The following ZDHHC11B variants were observed in gnomAD, a reference collection of about 807,000 sequenced individuals.
ZDHHC11B encodes the protein probable palmitoyltransferase ZDHHC11B.
A neutral mutation model predicts 42.3 loss-of-function variants in ZDHHC11B; 17 were observed. That is an observed-to-expected ratio of 0.40 (90% CI 0.27 to 0.60). The LOEUF (loss-of-function observed/expected upper bound fraction) is 0.60, where lower values mean the gene tolerates loss of function less well. Among genes scored for constraint, ZDHHC11B ranks in the 20% least tolerant of loss-of-function variants. The probability of loss-of-function intolerance (pLI) is 0.41; values close to 1 mark genes in which losing one functional copy is unlikely to be tolerated. For missense variants in ZDHHC11B, 262 were observed against 463.2 expected (o/e 0.57, Z 3.99); for synonymous variants, 123 against 193.5 (o/e 0.64, Z 3.02).
rs1380173083 is a variant in ZDHHC11B at position 763,861 on chromosome 5, G to A, written c.222+2837C>T. On this transcript the variant is annotated intron_variant, in intron 4 of 13. Coordinates refer to ENST00000508859, the MANE Select transcript of ZDHHC11B (RefSeq NM_001351303.2). ...TTACAGGTGAAATTTCCCGATGTCC[G>A]AGATTTTTAAAGGTTACTCGGATAC... Among the ~76,000 whole-genome samples the A allele has an allele frequency of 4.6e-5, 7 of 151,988 alleles. No homozygotes were observed. The East Asian group carries it at 9.6e-4, about 21-fold the overall frequency.
chr5:783,491 G>A (rs1579478326), intron 1 of ZDHHC11B, among the ~76,000 whole-genome samples: 1 of 152,164 alleles, frequency 6.6e-6, no homozygotes, highest in African/African-American at 2.4e-5. Flanking sequence ...GGGGAGGGGT[G>A]GCCGGGGTGG....
intron 1 of ZDHHC11B, among the ~76,000 whole-genome samples, chr5:778,264 G>T (rs1736706860): frequency 6.6e-6 from 1 of 151,758 alleles, no homozygotes; most frequent in African/African-American, 2.4e-5. Context: ...TAGAGATCCC[G>T]GCTGGCTCAT....
At chr5:739,045 T>A (rs1818115) in intron 10 of ZDHHC11B, among the ~76,000 whole-genome samples, 100,082 of 149,136 alleles carry the variant, frequency 0.67, 29,432 homozygotes, top group Middle Eastern at 0.77. Context: ...CAATCTGTAC[T>A]TCTGACAAAG....
At chr5:754,304 G>C (rs113087117) in intron 6 of ZDHHC11B, among the ~76,000 whole-genome samples, 12,494 of 92,298 alleles carry the variant, frequency 0.14, 4,370 homozygotes, top group Non-Finnish European at 0.21. Flanking sequence ...AACACCTCTC[G>C]CCTATGAGCC....
chr5:733,126 C>T (rs1408796233), intron 11 of ZDHHC11B, among the ~76,000 whole-genome samples: 1 of 151,030 alleles, frequency 6.6e-6, no homozygotes, highest in African/African-American at 2.4e-5. Context: ...AAATATGTGG[C>T]CCTAAAGCCG....
At chr5:753,404 C>T (rs1210172709) in intron 6 of ZDHHC11B, among the ~76,000 whole-genome samples, 4 of 131,058 alleles carry the variant, frequency 3.1e-5, no homozygotes, top group African/African-American at 1.0e-4. Context: ...TCTCCTGATG[C>T]CCCTTTCCCA....
intron 4 of ZDHHC11B, among the ~76,000 whole-genome samples, chr5:760,270 G>A (rs1239764586): frequency 6.6e-6 from 1 of 151,814 alleles, no homozygotes; most frequent in Non-Finnish European, 1.5e-5. Context: ...ATGTGACCTC[G>A]CTTGGAAATA....
chr5:730,279 T>C (rs1442482556), intron 12 of ZDHHC11B, among the ~76,000 whole-genome samples, 155 bp downstream of exon 12: 1 of 151,872 alleles, frequency 6.6e-6, no homozygotes, highest in South Asian at 2.1e-4. Context: ...ATAAGCCACA[T>C]GAATGGCTAT....
At position 712,669 on chromosome 5, in the gene ZDHHC11B, G is replaced by C. The variant is rs1196167911; in HGVS notation, c.*8-387C>G. 3.3e-5 allele frequency among the ~76,000 whole-genome samples: 5 copies of C among 150,620 alleles called. No homozygotes were observed. In the South Asian group the frequency reaches 6.3e-4, roughly 19 times the overall value. ...TCACACCTGTAATCCCAGCACTTTG[G>C]GAGTCCGAGGCGGGTGGATCATGAG... On this transcript the variant is annotated intron_variant, in intron 13 of 13. Transcript: ENST00000508859.
chr5:716,788 C>T lies in ZDHHC11B; in HGVS notation c.*7+13G>A. The T allele has an allele frequency of 1.2e-6, 2 of 1,612,894 alleles. No homozygotes were observed. The highest frequency in any genetic ancestry group is 1.7e-6 in the Non-Finnish European group (2 of 1,179,514). ...GTAGATTTCAACATGACCTGCACTG[C>T]CACGTATCTTACCCGAATCTCAGTC... On this transcript the variant is annotated intron_variant, in intron 13 of 13. Transcript: ENST00000508859.
At chr5:728,342 T>C in intron 12 of ZDHHC11B, among the ~76,000 whole-genome samples, 1 of 151,970 alleles carries the variant, frequency 6.6e-6, no homozygotes, top group Non-Finnish European at 1.5e-5. Context: ...GGATTTAAAA[T>C]GCAAATGCCC....
chr5:712,855 G>A (rs1439177310), intron 13 of ZDHHC11B, among the ~76,000 whole-genome samples: 26 of 151,554 alleles, frequency 1.7e-4, no homozygotes, highest in Non-Finnish European at 3.7e-4. Context: ...TTTGCAGTGA[G>A]CCAAGATTGG....
rs1460339802 is a variant in ZDHHC11B at position 745,522 on chromosome 5, G to A, written c.785-224C>T. Among the ~76,000 whole-genome samples the A allele has an allele frequency of 4.0e-5, 6 of 149,914 alleles. No homozygotes were observed. The East Asian group carries it at 8.2e-4, about 21-fold the overall frequency. ...GTCAGCAGGAGGGGTCTGCAGCTGC[G>A]ACCTGGGGAACGGTGCTGACTCAGG... On this transcript the variant is annotated intron_variant, in intron 8 of 13. Coordinates refer to ENST00000508859, the MANE Select transcript of ZDHHC11B (RefSeq NM_001351303.2).
chr5:772,564 T>C (rs1351899205), intron 1 of ZDHHC11B, among the ~76,000 whole-genome samples: 3 of 151,030 alleles, frequency 2.0e-5, no homozygotes, highest in African/African-American at 4.8e-5. Context: ...TGACTGGGCT[T>C]CCCAGGAAGA....
intron 13 of ZDHHC11B, among the ~76,000 whole-genome samples, chr5:714,545 A>G (rs1741609466): frequency 8.5e-6 from 1 of 117,768 alleles, no homozygotes; most frequent in Non-Finnish European, 1.8e-5. Context: ...TAGGAAGACC[A>G]GATGCTTTTG....
intron 4 of ZDHHC11B, among the ~76,000 whole-genome samples, chr5:763,584 T>C (rs1233872230): frequency 6.6e-6 from 1 of 151,628 alleles, no homozygotes. Context: ...CTCTGACCAG[T>C]CAAAGGCCTG....
At chr5:724,553 T>C (rs1423453984) in intron 12 of ZDHHC11B, among the ~76,000 whole-genome samples, 4 of 140,646 alleles carry the variant, frequency 2.8e-5, no homozygotes, top group Admixed American at 1.5e-4. Context: ...TCCTTTTGTA[T>C]TTTTAGTAGA....
At chr5:752,998 C>T (rs1435073076) in intron 6 of ZDHHC11B, among the ~76,000 whole-genome samples, 6 of 45,894 alleles carry the variant, frequency 1.3e-4, no homozygotes, top group Admixed American at 1.0e-3. Context: ...CTCCTCTCCC[C>T]GCAGCCACCC....
chr5:769,582 G>A (rs1340906690), intron 1 of ZDHHC11B, among the ~76,000 whole-genome samples: 3 of 151,886 alleles, frequency 2.0e-5, no homozygotes, highest in Non-Finnish European at 2.9e-5. Context: ...GGCAACCCGT[G>A]CCAGGCTGCA....
Sources: gnomAD v4.1 joint callset for allele counts (sites outside exome capture counted in the v4.1 genomes callset) on GRCh38, gnomAD v4.1.1 for gene constraint, MANE v1.5 for transcripts, NCBI Gene and HGNC (gene_info 2026-07-23, HGNC 2026-07-21) for gene names.